The following FBXL17 variants were observed in gnomAD, a reference collection of about 807,000 sequenced individuals.
FBXL17 encodes the protein F-box/LRR-repeat protein 17.
Under a neutral mutation model 66.2 loss-of-function variants are expected in FBXL17, and 22 were observed. That is an observed-to-expected ratio of 0.33 (90% CI 0.24 to 0.47). The LOEUF (loss-of-function observed/expected upper bound fraction) is 0.47, where lower values mean the gene tolerates loss of function less well. Among genes scored for constraint, FBXL17 ranks in the 20% least tolerant of loss-of-function variants. The pLI, the probability that FBXL17 is intolerant of heterozygous loss-of-function variation, is 1.00. For synonymous variants in FBXL17, 474 were observed against 400.5 expected (o/e 1.18, Z -2.19); for missense variants, 878 against 948.2 (o/e 0.93, Z 0.97).
At chr5:108,180,265 C>G (rs1752949145) in intron 6 of FBXL17, among the ~76,000 whole-genome samples, 1 of 152,114 alleles carries the variant, frequency 6.6e-6, no homozygotes, top group African/African-American at 2.4e-5. Context: ...AACCCCAGCA[C>G]TTTGGGGTGC....
intron 1 of FBXL17, among the ~76,000 whole-genome samples, chr5:108,372,217 A>T (rs548019155): frequency 6.6e-6 from 1 of 152,350 alleles, no homozygotes; most frequent in South Asian, 2.1e-4. Context: ...AAGAAGAAAG[A>T]ATCAGCAAAC....
chr5:107,952,873 A>C (rs1048604143), intron 7 of FBXL17, among the ~76,000 whole-genome samples: 1 of 152,176 alleles, frequency 6.6e-6, no homozygotes, highest in Admixed American at 6.5e-5. Context: ...ATAAATATTC[A>C]ATCCAAATAA....
chr5:107,950,431 TA>T (rs1461671208), intron 7 of FBXL17, among the ~76,000 whole-genome samples: 1 of 152,204 alleles, frequency 6.6e-6, no homozygotes, highest in African/African-American at 2.4e-5. Context: ...AATCATTATA[TA>T]ATATTCCCCA....
At chr5:108,375,639 A>C (rs767587366) in intron 1 of FBXL17, among the ~76,000 whole-genome samples, 1 of 152,208 alleles carries the variant, frequency 6.6e-6, no homozygotes, top group Non-Finnish European at 1.5e-5. Flanking sequence ...GTAATAAAAA[A>C]CAAAAAACTT....
At chr5:107,980,794 C>A (rs1752791251) in intron 7 of FBXL17, among the ~76,000 whole-genome samples, 1 of 148,826 alleles carries the variant, frequency 6.7e-6, no homozygotes, top group East Asian at 2.0e-4. Flanking sequence ...GTAGCTGGGA[C>A]TACAGGCACC....
chr5:108,188,203 C>G lies in FBXL17; in HGVS notation c.1615-1956G>C, dbSNP rs549008339. 5.3e-5 allele frequency among the ~76,000 whole-genome samples: 8 copies of G among 152,260 alleles called. No homozygotes were observed. The South Asian group carries it at 6.2e-4, about 12-fold the overall frequency. On this transcript the variant is annotated intron_variant, in intron 5 of 8. Transcript: ENST00000542267. ...TCAGCTCCCAATGGGAGAAGCTATA[C>G]AGAGAGAGTTCATAGAGTCACTACT...
At chr5:108,123,081 C>T (rs1308754316) in intron 6 of FBXL17, among the ~76,000 whole-genome samples, 3 of 150,424 alleles carry the variant, frequency 2.0e-5, no homozygotes, top group Admixed American at 6.7e-5. Context: ...CTTCTCCATA[C>T]TAGATCTTTT....
chr5:107,900,158 A>T (rs1749524861), intron 7 of FBXL17, among the ~76,000 whole-genome samples: 1 of 152,162 alleles, frequency 6.6e-6, no homozygotes, highest in Non-Finnish European at 1.5e-5. Context: ...TTCAGTAAGG[A>T]TTGGTTTTGC....
chr5:108,197,008 C>T (rs987506269), intron 5 of FBXL17, among the ~76,000 whole-genome samples: 1 of 152,122 alleles, frequency 6.6e-6, no homozygotes, highest in Non-Finnish European at 1.5e-5. Context: ...TGGATTTCTG[C>T]TTCTCAATAT....
chr5:108,316,629 C>A (rs1388347859), intron 4 of FBXL17, among the ~76,000 whole-genome samples: 1 of 151,178 alleles, frequency 6.6e-6, no homozygotes, highest in South Asian at 2.1e-4. Flanking sequence ...CTTTTTTTAA[C>A]GATGTCTATT....
intron 4 of FBXL17, among the ~76,000 whole-genome samples, chr5:108,247,049 A>C (rs540708417): frequency 6.6e-6 from 1 of 152,308 alleles, no homozygotes; most frequent in East Asian, 1.9e-4. Context: ...CCAACTACAT[A>C]GTAATGCACA....
At chr5:107,933,707 T>A (rs1750805058) in intron 7 of FBXL17, among the ~76,000 whole-genome samples, 1 of 152,186 alleles carries the variant, frequency 6.6e-6, no homozygotes, top group Non-Finnish European at 1.5e-5. Flanking sequence ...CATCTTGGCT[T>A]GCCATTCCTC....
At chr5:108,346,648 T>C (rs1221761035) in intron 4 of FBXL17, among the ~76,000 whole-genome samples, 2 of 152,146 alleles carry the variant, frequency 1.3e-5, no homozygotes, top group African/African-American at 4.8e-5. Flanking sequence ...ACAAATACAG[T>C]TGTGATGCCA....
chr5:107,864,397 A>C (rs1158623251), intron 8 of FBXL17, among the ~76,000 whole-genome samples: 1 of 152,254 alleles, frequency 6.6e-6, no homozygotes, highest in African/African-American at 2.4e-5. Flanking sequence ...CATGTACAAG[A>C]AGAATCTATT....
rs375837258 is a variant in FBXL17, at chr5:107,973,341, AT to A, written c.1822+47583del. Among the ~76,000 whole-genome samples, 70 of 137,170 alleles carry A rather than the reference AT, an allele frequency of 5.1e-4. 1 individual carries two copies. Among genetic ancestry groups the A allele is most frequent in the African/African-American group, 1.5e-3 (53 of 36,492 alleles). 90.0% of individuals were successfully genotyped at this position (137,170 alleles called of 152,430 possible). ...TCATAAGCTCTCTTAATTAAACATG[AT>A]TTTTTTTTGTAATTTTTTTTTTTTT... On this transcript the variant is annotated intron_variant, in intron 7 of 8. Coordinates refer to ENST00000542267, the MANE Select transcript of FBXL17 (RefSeq NM_001163315.3).
At chr5:108,210,262 C>A (rs541603273) in intron 5 of FBXL17, among the ~76,000 whole-genome samples, 1 of 152,122 alleles carries the variant, frequency 6.6e-6, no homozygotes. Context: ...AAAAAACCAG[C>A]TCCTGGATTC....
intron 6 of FBXL17, among the ~76,000 whole-genome samples, chr5:108,166,572 G>C (rs1395802523): frequency 6.6e-6 from 1 of 152,148 alleles, no homozygotes; most frequent in Non-Finnish European, 1.5e-5. Context: ...GATAGAGTGT[G>C]ATTTGATATG....
chr5:108,095,730 A>G (rs1309646835), intron 6 of FBXL17, among the ~76,000 whole-genome samples: 19 of 152,124 alleles, frequency 1.2e-4, no homozygotes, highest in Admixed American at 1.2e-3. Flanking sequence ...TTTATTCATA[A>G]TAAGAACTAA....
chr5:107,960,511 AACTTTAGATTTCT>A (rs1321795339), intron 7 of FBXL17, among the ~76,000 whole-genome samples: 2 of 152,112 alleles, frequency 1.3e-5, no homozygotes, highest in Non-Finnish European at 2.9e-5. Context: ...CCAGGAGTTC[AACTTTAGATTTCT>A]ACTTTAGATT....
Sources: allele counts gnomAD v4.1 joint callset (sites outside exome capture counted in the v4.1 genomes callset), GRCh38; gene constraint gnomAD v4.1.1; transcripts MANE v1.5; gene names NCBI Gene and HGNC (gene_info 2026-07-23, HGNC 2026-07-21).